The following HYAL3 variants were observed in gnomAD, a reference collection of about 807,000 sequenced individuals.
The protein encoded by HYAL3 is hyaluronidase 3.
HYAL3 carries 25 observed loss-of-function variants against 29.6 expected under a neutral mutation model. That is an observed-to-expected ratio of 0.85 (90% confidence interval 0.62 to 1.18). The LOEUF is 1.18. Among genes scored for constraint, HYAL3 ranks in the 50% most tolerant of loss-of-function variants. The probability of loss-of-function intolerance (pLI) is 0.00; values close to 1 mark genes in which losing one functional copy is unlikely to be tolerated. For missense variants in HYAL3, 442 were observed against 548.4 expected (o/e 0.81, Z 1.94); for synonymous variants, 215 against 218.3 (o/e 0.99, Z 0.13).
Position 50,295,434 on chromosome 3 carries a change from T to C in HYAL3, c.169A>G (p.Ile57Val), listed in dbSNP as rs1419859889. ...GVHLPLNALG[I>V]IANRGQHFHG... is the part of the protein sequence containing the mutation. Reference sequence around the variant, plus strand: ...AAATGCTGGCCACGGTTGGCTATGATGCCCAGAGCATTGAGTGGCAGGTGC... The same window carrying C: ...AAATGCTGGCCACGGTTGGCTATGACGCCCAGAGCATTGAGTGGCAGGTGC... Residue 57 changes from isoleucine (I) to valine (V), a missense_variant, in exon 2 of 4, where the codon ATC becomes GTC. By Grantham distance (29) the Ile-to-Val change is conservative. Transcript: ENST00000336307. 2 of 1,614,094 alleles carry C rather than the reference T, an allele frequency of 1.2e-6. No individual in the cohort carries two copies. The highest frequency in any genetic ancestry group is 2.7e-5 in the African/African-American group (2 of 74,954).
At chr3:50,296,159 T>C (rs1423885416) in intron 1 of HYAL3, among the ~76,000 whole-genome samples, 3 of 152,162 alleles carry the variant, frequency 2.0e-5, no homozygotes, top group Admixed American at 1.3e-4. Context: ...TAGTTACCCA[T>C]TGCCTATGTC....
chr3:50,293,276 C>G lies in HYAL3; in HGVS notation c.1224G>C (p.Glu408Asp), dbSNP rs1553710300. ...YWGWAGPTCQ[E>D]PRPGPKEAV ...CTGCTTCTTTAGGCCCAGGCCTGGG[C>G]TCCTGGCAGGTGGGGCCAGCCCAGC... Residue 408 changes from glutamate to aspartate, a missense_variant, in exon 4 of 4, where the codon GAG becomes GAC. Physicochemically the swap from Glu to Asp is conservative, Grantham distance 45 (BLOSUM62 2). Coordinates refer to ENST00000336307, the MANE Select transcript of HYAL3 (RefSeq NM_003549.4). 6.2e-7 allele frequency: 1 copy of G among 1,613,212 alleles called. No homozygotes were observed. Among genetic ancestry groups the G allele is most frequent in the East Asian group, 2.2e-5 (1 of 44,882 alleles).
intron 1 of HYAL3, 164 bp from the exon 2 acceptor site, chr3:50,295,783 A>C: frequency 2.2e-6 from 1 of 455,218 alleles, no homozygotes. Context: ...TAAAGCAGCC[A>C]CACCGCAAGC....
At position 50,297,520 on chromosome 3, in the gene HYAL3, G is replaced by A. The variant is rs1553711590; in HGVS notation, c.-18+1693C>T. ...TTGGCTGGGCCAGGGCTCAGAGTCA[G>A]CTCTTGCCTATGCACAGGATCCAGG... On this transcript the variant is annotated intron_variant, in intron 1 of 3. Transcript: ENST00000336307. The surrounding 1 kb of genome is among the most constrained non-coding windows in gnomAD (Gnocchi z 4.3). 6.5e-7 allele frequency: 1 copy of A among 1,531,378 alleles called. No homozygotes were observed. Among genetic ancestry groups the A allele is most frequent in the Admixed American group, 2.0e-5 (1 of 49,216 alleles). The allele number at this position is 1,531,378 out of a possible 1,614,324, so 94.9% of individuals were successfully genotyped here.
In HYAL3 at chr3:50,297,189, T is replaced by G. The variant is rs782290237; in HGVS notation, c.-17-1570A>C. On this transcript the variant is annotated intron_variant, in intron 1 of 3. Transcript: ENST00000336307. This position sits in a 1 kb window ranked among gnomAD's most constrained non-coding sequence, Gnocchi z 4.3. ...GGCATCTGAGGACTGGCCCAGGGAG[T>G]GCAGGCGGGAGGTGCGGCTGCGGGG... The G allele has an allele frequency of 6.2e-7, 1 of 1,611,854 alleles. No homozygotes were observed. Among genetic ancestry groups the G allele is most frequent in the East Asian group, 2.2e-5 (1 of 44,796 alleles).
At position 50,293,017 on chromosome 3, in the gene HYAL3, TC is replaced by T. The variant is rs1437458422; in HGVS notation, c.*228del. The T allele has an allele frequency of 1.6e-5, 24 of 1,501,102 alleles. No homozygotes were observed. Among genetic ancestry groups the T allele is most frequent in the Non-Finnish European group, 2.0e-5 (22 of 1,099,828 alleles). The allele number at this position is 1,501,102 out of a possible 1,614,324, so 93.0% of individuals were successfully genotyped here. On this transcript the variant is annotated 3_prime_UTR_variant, in exon 4 of 4. Transcript: ENST00000336307. ...GCCCTAACTAGCTGGAACCTGACTC[TC>T]CCTGGAACTGCTTCCTTGCCATGGA...
intron 1 of HYAL3, chr3:50,296,430 C>T (rs1321517294): frequency 1.4e-6 from 1 of 696,922 alleles, no homozygotes; most frequent in South Asian, 1.9e-5. Context: ...TTCAGCCACA[C>T]TGACGGCTCT....
chr3:50,298,947 C>G, intron 1 of HYAL3: 1 of 1,421,746 alleles, frequency 7.0e-7, no homozygotes, highest in East Asian at 2.6e-5. Flanking sequence ...ACCCCACCCA[C>G]TGTGGGCGGG....
In HYAL3 at chr3:50,293,136, G is replaced by T; in HGVS notation, c.*110C>A. On this transcript the variant is annotated 3_prime_UTR_variant, in exon 4 of 4. Transcript: ENST00000336307. ...GGATTCCAAGGGAAGCGGGGTGTGT[G>T]CTTGGGAGGGTTGACTGTAAACTGA... 1 of 1,542,574 alleles carries T rather than the reference G, an allele frequency of 6.5e-7. No individual in the cohort carries two copies. Among genetic ancestry groups the T allele is most frequent in the Non-Finnish European group, 8.9e-7 (1 of 1,118,228 alleles).
rs782596401 is a variant in HYAL3 at position 50,295,024 on chromosome 3, G to C, written c.579C>G (p.Pro193=). 1 of 1,613,416 alleles carries C rather than the reference G, an allele frequency of 6.2e-7. No individual in the cohort carries two copies. Among genetic ancestry groups the C allele is most frequent in the South Asian group, 1.1e-5 (1 of 91,086 alleles). The part of the protein sequence containing the change: ...DTLRVAQALR[P]HGLWGFYHYP... ...AGTGATAGAAGCCCCAGAGTCCATG[G>C]GGCCGTAGTGCCTGGGCCACCCGCA... is the stretch of plus-strand genomic sequence containing the variant. Residue 193 remains proline (P), a synonymous_variant, in exon 2 of 4, where the codon CCC becomes CCG. Transcript: ENST00000336307.
rs1559810895 is a variant in HYAL3 at position 50,297,156 on chromosome 3, A to AG, written c.-17-1538dup. ...GTGGGGGCTTAGCAGCATCAGGCAG[A>AG]GGGGGAAGGCATCTGAGGACTGGCC... On this transcript the variant is annotated intron_variant, in intron 1 of 3. Transcript: ENST00000336307. The surrounding 1 kb of genome is among the most constrained non-coding windows in gnomAD (Gnocchi z 4.3). 3 of 1,599,506 alleles carry AG rather than the reference A, an allele frequency of 1.9e-6. No individual in the cohort carries two copies. Among genetic ancestry groups the AG allele is most frequent in the Admixed American group, 1.7e-5 (1 of 58,584 alleles).
In HYAL3 at chr3:50,297,250, G is replaced by A. The variant is rs782268191; in HGVS notation, c.-17-1631C>T. On this transcript the variant is annotated intron_variant, in intron 1 of 3. Transcript: ENST00000336307. The surrounding 1 kb of genome is among the most constrained non-coding windows in gnomAD (Gnocchi z 4.3). ...TTGATGAGGTCAGCACAAGCATCCA[G>A]GAGCTCGGGTCGGCGGTGCACAGGC... 8.7e-6 allele frequency: 14 copies of A among 1,611,484 alleles called. No homozygotes were observed. Among genetic ancestry groups the A allele is most frequent in the Non-Finnish European group, 1.2e-5 (14 of 1,178,282 alleles).
Position 50,292,898 on chromosome 3 carries a change from C to G in HYAL3, c.*348G>C. ...CAGCTTAGCACTTTACCGACCTTCG[C>G]CAAGATTTTTTGGGGCCCATCTGCC... On this transcript the variant is annotated 3_prime_UTR_variant, in exon 4 of 4. Coordinates refer to ENST00000336307, the MANE Select transcript of HYAL3 (RefSeq NM_003549.4). The G allele has an allele frequency of 3.3e-6, 5 of 1,498,040 alleles. No homozygotes were observed. The highest frequency in any genetic ancestry group is 4.5e-6 in the Non-Finnish European group (5 of 1,116,332). The allele number at this position is 1,498,040 out of a possible 1,614,324, so 92.8% of individuals were successfully genotyped here.
rs1559806183 is a variant in HYAL3, at chr3:50,293,712, C to CA, written c.903dup (p.Val302CysfsTer27). 1 of 1,613,660 alleles carries CA rather than the reference C, an allele frequency of 6.2e-7. No individual in the cohort carries two copies. Among genetic ancestry groups the CA allele is most frequent in the Non-Finnish European group, 8.5e-7 (1 of 1,180,014 alleles). Reference sequence around the variant, plus strand: ...GCTGCACTCACACCAATGGACTGCACAAGGTCATCCTGGAGGCAGAGAGCT... The same window carrying CA: ...GCTGCACTCACACCAATGGACTGCACAAAGGTCATCCTGGAGGCAGAGAGCT... On this transcript the variant is annotated frameshift_variant, in exon 3 of 4. Transcript: ENST00000336307. LOFTEE classifies it high-confidence loss of function.
In HYAL3 at chr3:50,297,349, T is replaced by C. The variant is rs587741919; in HGVS notation, c.-17-1730A>G. On this transcript the variant is annotated intron_variant, in intron 1 of 3. Coordinates refer to ENST00000336307, the MANE Select transcript of HYAL3 (RefSeq NM_003549.4). The surrounding 1 kb of genome is among the most constrained non-coding windows in gnomAD (Gnocchi z 4.3). The stretch of plus-strand genomic sequence containing the variant: ...TGTTCAGGATCCAGGGTAAGCTCAG[T>C]TGGACCAGGATTGAAGGTCATCTCT... The C allele has an allele frequency of 4.2e-5, 67 of 1,611,630 alleles. No individual in the cohort carries two copies. Among genetic ancestry groups the C allele is most frequent in the Admixed American group, 1.5e-4 (9 of 59,754 alleles).
At position 50,294,738 on chromosome 3, in the gene HYAL3, G is replaced by A. The variant is rs1553710653; in HGVS notation, c.865C>T (p.His289Tyr). The change falls in exon 2 of 4, where the codon CAC becomes TAC. Residue 289 changes from histidine to tyrosine, a missense_variant. Transcript: ENST00000336307. ...GACAGGAACCTCCCAGATCTCCGGT[G>A]TGTGAGGCGGACATAGGCCAGGACA... ...LPVLAYVRLT[H>Y]RRSGRFLSQD... The A allele has an allele frequency of 1.3e-6, 2 of 1,507,024 alleles. No homozygotes were observed. The highest frequency in any genetic ancestry group is 1.4e-5 in the African/African-American group (1 of 71,664). 93.4% of individuals were successfully genotyped at this position (1,507,024 alleles called of 1,614,324 possible).
chr3:50,296,658 G>C (rs782146142), intron 1 of HYAL3: 3 of 1,614,000 alleles, frequency 1.9e-6, no homozygotes, highest in African/African-American at 2.7e-5. Context: ...TTGATATTGT[G>C]TCTCCAGCAG....
intron 1 of HYAL3, chr3:50,296,731 G>A: frequency 5.6e-6 from 9 of 1,612,180 alleles, no homozygotes; most frequent in Non-Finnish European, 6.8e-6. Context: ...GGTAGGGGAG[G>A]GGGTGGTGGC....
At chr3:50,294,591 C>T (rs986364100) in intron 2 of HYAL3, 118 bp downstream of exon 2, 4 of 820,640 alleles carry the variant, frequency 4.9e-6, no homozygotes, top group Non-Finnish European at 7.1e-6. Context: ...CAGGACAGGG[C>T]CTTCCGCTGA....
Sources: allele counts gnomAD v4.1 joint callset (sites outside exome capture counted in the v4.1 genomes callset), GRCh38; gene constraint gnomAD v4.1.1; non-coding constraint Gnocchi (gnomAD v3.1); transcripts MANE v1.5; gene names NCBI Gene and HGNC (gene_info 2026-07-23, HGNC 2026-07-21).